The following NELL1 variants were observed in gnomAD, a reference collection of about 807,000 sequenced individuals.
NELL1 encodes protein kinase C-binding protein NELL1.
NELL1 carries 76 observed loss-of-function variants against 107.4 expected under a neutral mutation model. That is an observed-to-expected ratio of 0.71 (90% CI 0.59 to 0.86). The LOEUF is 0.86. Among genes scored for constraint, NELL1 ranks in the 40% least tolerant of loss-of-function variants. The pLI, the probability that NELL1 is intolerant of heterozygous loss-of-function variation, is 0.00. For missense variants in NELL1, 1,024 were observed against 1,005.5 expected, an observed-to-expected ratio of 1.02 and a Z score of -0.25; for synonymous variants, 353 against 341.2, an observed-to-expected ratio of 1.03 and a Z score of -0.38.
Position 21,131,823 on chromosome 11 carries a change from A to G in NELL1, c.1426+18109A>G, listed in dbSNP as rs113722328. 1.9e-3 allele frequency among the ~76,000 whole-genome samples: 291 copies of G among 152,280 alleles called. 1 individual carries two copies. Among genetic ancestry groups the G allele is most frequent in the African/African-American group, 6.4e-3 (268 of 41,566 alleles). ...TTTGGTGGTGTTTGTTTTGCTGAAT[A>G]TTGCATGTAACTTTTGCATACTGAC... On this transcript the variant is annotated intron_variant, in intron 13 of 19. Coordinates refer to ENST00000357134, the MANE Select transcript of NELL1 (RefSeq NM_006157.5).
At chr11:21,546,250 C>T (rs1009519962) in intron 16 of NELL1, among the ~76,000 whole-genome samples, 6 of 151,942 alleles carry the variant, frequency 3.9e-5, no homozygotes, top group African/African-American at 1.4e-4. Context: ...CACTGCTTTC[C>T]TTTGTCAGTT....
chr11:21,114,728 A>G (rs544889532), intron 13 of NELL1, among the ~76,000 whole-genome samples: 57 of 152,020 alleles, frequency 3.7e-4, no homozygotes, highest in Non-Finnish European at 6.5e-4. Context: ...ACATAAAGTC[A>G]CATCTCACTT....
intron 3 of NELL1, among the ~76,000 whole-genome samples, chr11:20,786,893 A>G (rs1274531655): frequency 6.7e-6 from 1 of 150,196 alleles, no homozygotes; most frequent in Non-Finnish European, 1.5e-5. Context: ...CTGTAGTCCC[A>G]GCTACTTGGG....
chr11:20,945,951 AAGG>A (rs1436256222), intron 10 of NELL1, among the ~76,000 whole-genome samples: 1 of 152,202 alleles, frequency 6.6e-6, no homozygotes. Flanking sequence ...ATAAAGATAA[AAGG>A]AGAAGAAAAG....
chr11:20,822,443 C>T (rs923437661), intron 3 of NELL1, among the ~76,000 whole-genome samples: 3 of 152,088 alleles, frequency 2.0e-5, no homozygotes, highest in East Asian at 3.9e-4. Context: ...TGAATGAATG[C>T]GACAAACTTT....
At chr11:21,405,528 C>T (rs1310832838) in intron 15 of NELL1, among the ~76,000 whole-genome samples, 7 of 151,982 alleles carry the variant, frequency 4.6e-5, no homozygotes, top group Admixed American at 4.6e-4. Context: ...AAATCAGATT[C>T]TGGGCCATAA....
chr11:21,227,014 G>T (rs1403060031), intron 13 of NELL1, among the ~76,000 whole-genome samples: 5 of 152,178 alleles, frequency 3.3e-5, no homozygotes, highest in African/African-American at 1.2e-4. Context: ...AAGAATATTG[G>T]AAGATAAGAC....
rs1590648808 is a variant in NELL1 at position 21,113,535 on chromosome 11, A to C, written c.1301-54A>C. ...TTTAATTTATCTGCAAAATGATTACACTGTTGTTCCATTATTTTGCTAACC... is the reference window on the plus strand; with the variant it reads ...TTTAATTTATCTGCAAAATGATTACCCTGTTGTTCCATTATTTTGCTAACC... On this transcript the variant is annotated intron_variant, in intron 12 of 19. Transcript: ENST00000357134. The C allele has an allele frequency of 4.6e-6, 7 of 1,537,664 alleles. No homozygotes were observed. The East Asian group carries it at 1.4e-4, about 30-fold the overall frequency.
intron 14 of NELL1, among the ~76,000 whole-genome samples, chr11:21,297,919 AAGAG>A (rs1314576621): frequency 6.6e-6 from 1 of 151,948 alleles, no homozygotes; most frequent in African/African-American, 2.4e-5. Context: ...GAGAAAGAGA[AAGAG>A]AGAGGAGAGA....
intron 14 of NELL1, among the ~76,000 whole-genome samples, chr11:21,259,576 G>A (rs183507490): frequency 9.2e-5 from 14 of 151,844 alleles, no homozygotes; most frequent in East Asian, 5.8e-4. Context: ...GACTGGGGTC[G>A]GTAGCCAGGA....
chr11:20,689,863 T>A (rs1854413969), intron 2 of NELL1, among the ~76,000 whole-genome samples: 1 of 151,494 alleles, frequency 6.6e-6, no homozygotes, highest in African/African-American at 2.4e-5. Flanking sequence ...ATCGCCACAC[T>A]GACTTCCACA....
intron 15 of NELL1, among the ~76,000 whole-genome samples, chr11:21,489,950 A>G (rs902883605): frequency 6.6e-6 from 1 of 152,052 alleles, no homozygotes; most frequent in Non-Finnish European, 1.5e-5. Flanking sequence ...CCTCAGCAAA[A>G]CAATCAGACA....
At chr11:20,704,629 G>T (rs1012730169) in intron 2 of NELL1, among the ~76,000 whole-genome samples, 12 of 152,138 alleles carry the variant, frequency 7.9e-5, no homozygotes, top group Non-Finnish European at 1.5e-4. Flanking sequence ...GCATGTTTTT[G>T]CAGTGGCTGG....
intron 15 of NELL1, among the ~76,000 whole-genome samples, chr11:21,426,970 C>T (rs1453180050): frequency 2.0e-5 from 3 of 152,034 alleles, no homozygotes; most frequent in African/African-American, 2.4e-5. Context: ...ACTATGAAGA[C>T]GAAGCCTCTA....
chr11:21,349,073 T>C (rs1316175204), intron 14 of NELL1, among the ~76,000 whole-genome samples: 1 of 152,054 alleles, frequency 6.6e-6, no homozygotes, highest in African/African-American at 2.4e-5. Flanking sequence ...GCACAAAAGG[T>C]CATTTGGCAA....
chr11:21,503,321 A>C (rs1213717508), intron 15 of NELL1, among the ~76,000 whole-genome samples: 1 of 152,218 alleles, frequency 6.6e-6, no homozygotes, highest in Non-Finnish European at 1.5e-5. Context: ...GAGTAAATTG[A>C]ATCTATACAT....
At chr11:20,977,334 G>A (rs562534936) in intron 12 of NELL1, among the ~76,000 whole-genome samples, 14 of 147,616 alleles carry the variant, frequency 9.5e-5, no homozygotes, top group Non-Finnish European at 1.8e-4. Context: ...GTGCCATATC[G>A]CCTCACTGCA....
chr11:20,839,046 G>A (rs1005393349), intron 3 of NELL1, among the ~76,000 whole-genome samples: 4 of 84,778 alleles, frequency 4.7e-5, no homozygotes, highest in Admixed American at 1.5e-4. Context: ...CCCTTGTCCT[G>A]CTAAATTAGC....
chr11:20,853,876 T>C (rs1255568840), intron 4 of NELL1, among the ~76,000 whole-genome samples: 1 of 152,170 alleles, frequency 6.6e-6, no homozygotes, highest in Non-Finnish European at 1.5e-5. Context: ...ATAGAATCAC[T>C]TTAAAAATTT....
Sources: allele counts gnomAD v4.1 joint callset (sites outside exome capture counted in the v4.1 genomes callset), GRCh38; gene constraint gnomAD v4.1.1; transcripts MANE v1.5; gene names NCBI Gene and HGNC (gene_info 2026-07-23, HGNC 2026-07-21).